The following ZNF385B variants were observed in gnomAD, a reference collection of about 807,000 sequenced individuals.
ZNF385B encodes zinc finger protein 533.
In ZNF385B, 23 loss-of-function variants were observed where a neutral mutation model predicts 39.2. That is an observed-to-expected ratio of 0.59 (90% CI 0.42 to 0.83). The LOEUF (loss-of-function observed/expected upper bound fraction) is 0.83, where lower values mean the gene tolerates loss of function less well. ZNF385B is among the 40% of genes least tolerant of loss of function. The pLI is 0.00. For missense variants in ZNF385B, 552 were observed against 598.9 expected (o/e 0.92, Z 0.82); for synonymous variants, 205 against 222.6 (o/e 0.92, Z 0.70).
intron 5 of ZNF385B, among the ~76,000 whole-genome samples, chr2:179,488,560 T>G (rs1186605074): frequency 1.3e-5 from 2 of 152,152 alleles, no homozygotes; most frequent in Non-Finnish European, 2.9e-5. Context: ...ACTCACAAAG[T>G]GACTGGGGAA....
chr2:179,466,943 A>AAAAAAG (rs1559276782), intron 6 of ZNF385B, among the ~76,000 whole-genome samples: 1 of 146,006 alleles, frequency 6.8e-6, no homozygotes, highest in Non-Finnish European at 1.5e-5. Context: ...AAAAAAAAAA[A>AAAAAAG]AGAGAGAGAG....
chr2:179,506,271 T>C (rs1232591058), intron 5 of ZNF385B, among the ~76,000 whole-genome samples: 1 of 152,134 alleles, frequency 6.6e-6, no homozygotes, highest in African/African-American at 2.4e-5. Flanking sequence ...ATTTCAATTC[T>C]TTCATTTTGT....
intron 4 of ZNF385B, among the ~76,000 whole-genome samples, chr2:179,537,462 G>A (rs912698936): frequency 2.6e-5 from 4 of 151,788 alleles, no homozygotes; most frequent in Non-Finnish European, 5.9e-5. Flanking sequence ...GAAATGGGCC[G>A]GGCATGGTGG....
intron 6 of ZNF385B, among the ~76,000 whole-genome samples, chr2:179,451,131 A>G (rs1483020108): frequency 2.6e-5 from 4 of 150,976 alleles, no homozygotes; most frequent in African/African-American, 7.3e-5. Context: ...GGATAGCATT[A>G]GGAGATATAC....
intron 6 of ZNF385B, among the ~76,000 whole-genome samples, chr2:179,468,477 A>G (rs1044024919): frequency 1.3e-5 from 2 of 152,206 alleles, no homozygotes; most frequent in South Asian, 2.1e-4. Flanking sequence ...TGTCGCTCAA[A>G]TCAAATTCCT....
At chr2:179,673,582 A>G (rs866622158) in intron 3 of ZNF385B, among the ~76,000 whole-genome samples, 35 of 152,198 alleles carry the variant, frequency 2.3e-4, no homozygotes, top group African/African-American at 8.2e-4. Flanking sequence ...AAAATTAAAA[A>G]GGCAATTTTT....
At chr2:179,821,204 C>G (rs1260845740) in intron 1 of ZNF385B, among the ~76,000 whole-genome samples, 1 of 152,180 alleles carries the variant, frequency 6.6e-6, no homozygotes, top group African/African-American at 2.4e-5. Flanking sequence ...TGTTGCCATG[C>G]CCTCCTCTCT....
At chr2:179,766,367 G>T (rs1249746240) in intron 3 of ZNF385B, among the ~76,000 whole-genome samples, 1 of 152,048 alleles carries the variant, frequency 6.6e-6, no homozygotes, top group African/African-American at 2.4e-5. Flanking sequence ...AATGGGCTTC[G>T]ATTTTCTTCC....
chr2:179,474,724 G>A (rs2053217661), intron 6 of ZNF385B, among the ~76,000 whole-genome samples: 1 of 152,152 alleles, frequency 6.6e-6, no homozygotes, highest in African/African-American at 2.4e-5. Context: ...GCTGCATAAT[G>A]AAAGATGATG....
At chr2:179,719,593 T>C (rs940385217) in intron 3 of ZNF385B, among the ~76,000 whole-genome samples, 2 of 152,230 alleles carry the variant, frequency 1.3e-5, no homozygotes, top group Admixed American at 1.3e-4. Context: ...CAGCAGTGGT[T>C]TGGATTCAGA....
At chr2:179,769,986 C>T (rs1457595741) in intron 2 of ZNF385B, among the ~76,000 whole-genome samples, 184 bp from the exon 3 acceptor site, 3 of 152,102 alleles carry the variant, frequency 2.0e-5, no homozygotes, top group Admixed American at 6.5e-5. Flanking sequence ...ATGTGAGTTC[C>T]TTGTGCCTGG....
At chr2:179,607,357 G>C (rs1688894516) in intron 3 of ZNF385B, among the ~76,000 whole-genome samples, 1 of 152,096 alleles carries the variant, frequency 6.6e-6, no homozygotes, top group African/African-American at 2.4e-5. Flanking sequence ...GATAGTGAGA[G>C]AGTTCTCATG....
chr2:179,529,711 G>T (rs1298613367), intron 4 of ZNF385B, among the ~76,000 whole-genome samples: 2 of 152,260 alleles, frequency 1.3e-5, no homozygotes, highest in East Asian at 3.9e-4. Context: ...ATGTGGAGAA[G>T]TTACTGTCCT....
chr2:179,854,575 A>T (rs1448932890), intron 1 of ZNF385B, among the ~76,000 whole-genome samples: 1 of 152,194 alleles, frequency 6.6e-6, no homozygotes, highest in East Asian at 1.9e-4. Flanking sequence ...GCTTGAAATC[A>T]GTATAAACCA....
At chr2:179,460,300 G>T (rs2051184180) in intron 6 of ZNF385B, among the ~76,000 whole-genome samples, 1 of 152,048 alleles carries the variant, frequency 6.6e-6, no homozygotes, top group African/African-American at 2.4e-5. Flanking sequence ...ATTCTCACAG[G>T]CTGGCTGTCC....
At chr2:179,644,674 T>C (rs1692559441) in intron 3 of ZNF385B, among the ~76,000 whole-genome samples, 1 of 152,216 alleles carries the variant, frequency 6.6e-6, no homozygotes, top group African/African-American at 2.4e-5. Context: ...TCCTGAATTA[T>C]AGGTGGTAGG....
chr2:179,714,533 G>A (rs1700197068), intron 3 of ZNF385B, among the ~76,000 whole-genome samples: 1 of 152,140 alleles, frequency 6.6e-6, no homozygotes, highest in Admixed American at 6.5e-5. Flanking sequence ...AGGCTGTGGG[G>A]TCAAAAGCTA....
chr2:179,724,250 A>G lies in ZNF385B; in HGVS notation c.298+45253T>C, dbSNP rs187671456. ...CTTGAACCTGGGAGGTGAAGTTTGC[A>G]GTGAGCCAAGATTGCGCCACTGCAC... On this transcript the variant is annotated intron_variant, in intron 3 of 9. Coordinates refer to ENST00000410066, the MANE Select transcript of ZNF385B (RefSeq NM_152520.6). Among the ~76,000 whole-genome samples, 878 of 152,274 alleles carry G rather than the reference A, an allele frequency of 5.8e-3. 13 individuals carry two copies. The highest frequency in any genetic ancestry group is 5.4e-3 in the Non-Finnish European group (364 of 68,012).
At chr2:179,687,329 C>T (rs1697998870) in intron 3 of ZNF385B, among the ~76,000 whole-genome samples, 1 of 151,898 alleles carries the variant, frequency 6.6e-6, no homozygotes, top group Non-Finnish European at 1.5e-5. Context: ...CTTGAGGAAT[C>T]TACATTTTGT....
Sources: allele counts gnomAD v4.1 joint callset (sites outside exome capture counted in the v4.1 genomes callset), GRCh38; gene constraint gnomAD v4.1.1; transcripts MANE v1.5; gene names NCBI Gene and HGNC (gene_info 2026-07-23, HGNC 2026-07-21).